Variants in PANK1 observed in about 807,000 individuals in gnomAD.
PANK1 encodes the protein pantothenic acid kinase 1.
Under a neutral mutation model 40.1 loss-of-function variants are expected in PANK1, and 18 were observed. The observed-to-expected ratio is 0.45, with a 90% confidence interval of 0.31 to 0.67. PANK1 has a LOEUF of 0.67. Ranked by LOEUF, PANK1 falls within the 30% of genes least tolerant of loss-of-function variation. The pLI, the probability that PANK1 is intolerant of heterozygous loss-of-function variation, is 0.06. For missense variants in PANK1, 457 were observed against 599.6 expected (o/e 0.76, Z 2.48); for synonymous variants, 242 against 237.7 (o/e 1.02, Z -0.17).
rs752620717 is a variant in PANK1 at position 89,644,862 on chromosome 10, G to A, written c.30C>T (p.Arg10=). The part of the protein sequence containing the change: MGDRSGQQE[R]SVPHSPGAPV... ...GGGCCCCTGGAGAGTGCGGGACCGA[G>A]CGCTCCTGCTGCCCGCTGCGGTCGC... Residue 10 remains arginine, a synonymous_variant, in exon 1 of 7, where the codon CGC becomes CGT. Transcript: ENST00000307534. 6.8e-7 allele frequency: 1 copy of A among 1,479,264 alleles called. No homozygotes were observed. The highest frequency in any genetic ancestry group is 1.3e-5 in the South Asian group (1 of 75,008). 91.6% of individuals were successfully genotyped at this position (1,479,264 alleles called of 1,614,324 possible).
At chr10:89,633,362 C>G (rs1253443415) in intron 1 of PANK1, among the ~76,000 whole-genome samples, 1 of 152,130 alleles carries the variant, frequency 6.6e-6, no homozygotes, top group East Asian at 1.9e-4. Flanking sequence ...TGAAATATTA[C>G]ATGATCACCC....
In PANK1 at chr10:89,599,389, G is replaced by T. The variant is rs1844707313; in HGVS notation, c.762C>A (p.Pro254=). 5 of 1,613,910 alleles carry T rather than the reference G, an allele frequency of 3.1e-6. No individual in the cohort carries two copies. The highest frequency in any genetic ancestry group is 1.7e-5 in the Admixed American group (1 of 59,988). The change falls in exon 3 of 7, where the codon CCC becomes CCA. Residue 254 remains proline (P), a synonymous_variant. Transcript: ENST00000307534. ...TTTTTTGACACAATTCAGGATTTGTGGGATTTTCAAAATAGTAACATTCTG... is the reference window on the plus strand; with the variant it reads ...TTTTTTGACACAATTCAGGATTTGTTGGATTTTCAAAATAGTAACATTCTG... ...GKPECYYFEN[P]TNPELCQKKP...
intron 1 of PANK1, among the ~76,000 whole-genome samples, chr10:89,618,744 A>T (rs1001579152): frequency 6.6e-5 from 10 of 152,240 alleles, no homozygotes; most frequent in Admixed American, 6.5e-4. Context: ...CTTGCCTAGA[A>T]TGAGAATACT....
intron 2 of PANK1, among the ~76,000 whole-genome samples, chr10:89,600,304 C>A (rs1031895561): frequency 6.6e-6 from 1 of 152,078 alleles, no homozygotes; most frequent in Non-Finnish European, 1.5e-5. Context: ...CATGAAGTCC[C>A]GAGGGACTGG....
At chr10:89,641,776 A>T (rs1704030408) in intron 1 of PANK1, among the ~76,000 whole-genome samples, 2 of 150,224 alleles carry the variant, frequency 1.3e-5, no homozygotes, top group South Asian at 4.2e-4. Context: ...AATAAATAAA[A>T]TAAAAAAAAA....
At chr10:89,627,352 A>G (rs1845687258) in intron 1 of PANK1, among the ~76,000 whole-genome samples, 1 of 152,224 alleles carries the variant, frequency 6.6e-6, no homozygotes, top group Non-Finnish European at 1.5e-5. Flanking sequence ...GTATTAAATC[A>G]TCTAGAGATG....
At position 89,643,689 on chromosome 10, in the gene PANK1, G is replaced by C. The variant is rs1425513636; in HGVS notation, c.292+911C>G. 5 of 1,603,030 alleles carry C rather than the reference G, an allele frequency of 3.1e-6. No homozygotes were observed. In the African/African-American group the frequency reaches 6.7e-5, roughly 21 times the overall value. ...ATGCAGTCATTTATTAGCATTTACT[G>C]TACTTACTTTGCTTTTTGCCATTTA... On this transcript the variant is annotated intron_variant, in intron 1 of 6. Coordinates refer to ENST00000307534, the MANE Select transcript of PANK1 (RefSeq NM_148977.3).
chr10:89,600,302 C>G (rs1000864026), intron 2 of PANK1, among the ~76,000 whole-genome samples: 1 of 152,128 alleles, frequency 6.6e-6, no homozygotes, highest in Non-Finnish European at 1.5e-5. Context: ...AGCATGAAGT[C>G]CCGAGGGACT....
In PANK1 at chr10:89,612,682, TA is replaced by T. The variant is rs1845197597; in HGVS notation, c.293-635del. 3.9e-5 allele frequency among the ~76,000 whole-genome samples: 6 copies of T among 152,352 alleles called. No homozygotes were observed. In the South Asian group the frequency reaches 1.2e-3, roughly 32 times the overall value. Reference sequence around the variant, plus strand: ...GAGATGATGAGCAGACATGAAATTCTAAAAAGAACAACTCGCATTATATCTA... The same window carrying T: ...GAGATGATGAGCAGACATGAAATTCTAAAAGAACAACTCGCATTATATCTA... On this transcript the variant is annotated intron_variant, in intron 1 of 6. Coordinates refer to ENST00000307534, the MANE Select transcript of PANK1 (RefSeq NM_148977.3).
At chr10:89,634,486 C>G (rs1297347268) in intron 1 of PANK1, among the ~76,000 whole-genome samples, 1 of 152,162 alleles carries the variant, frequency 6.6e-6, no homozygotes, top group Non-Finnish European at 1.5e-5. Context: ...ATATTCATCT[C>G]ATTCATCATC....
At chr10:89,598,907 C>T (rs952323570) in intron 3 of PANK1, among the ~76,000 whole-genome samples, 5 of 152,222 alleles carry the variant, frequency 3.3e-5, no homozygotes, top group Non-Finnish European at 7.3e-5. Flanking sequence ...AAGGTTCCTT[C>T]TGAAGTCATC....
At chr10:89,636,632 T>G (rs1024572338) in intron 1 of PANK1, among the ~76,000 whole-genome samples, 9 of 151,494 alleles carry the variant, frequency 5.9e-5, no homozygotes, top group Non-Finnish European at 1.3e-4. Context: ...TTTGTATTTT[T>G]AGTAGAGACG....
At chr10:89,636,114 T>G (rs1370214368) in intron 1 of PANK1, among the ~76,000 whole-genome samples, 1 of 152,162 alleles carries the variant, frequency 6.6e-6, no homozygotes, top group African/African-American at 2.4e-5. Context: ...TTCTGGGGTG[T>G]TGGTGTGAGC....
intron 1 of PANK1, among the ~76,000 whole-genome samples, chr10:89,630,542 G>A (rs965681938): frequency 6.6e-6 from 1 of 151,348 alleles, no homozygotes; most frequent in Non-Finnish European, 1.5e-5. Flanking sequence ...ACCCAGGCTG[G>A]AGTGCAGCGG....
intron 1 of PANK1, among the ~76,000 whole-genome samples, chr10:89,617,792 T>C (rs1004451292): frequency 6.6e-6 from 1 of 152,172 alleles, no homozygotes; most frequent in African/African-American, 2.4e-5. Context: ...CTAGAAGGAA[T>C]TGAGGGCTTA....
intron 2 of PANK1, among the ~76,000 whole-genome samples, chr10:89,599,732 A>G (rs781335358): frequency 5.3e-5 from 8 of 152,140 alleles, no homozygotes; most frequent in Non-Finnish European, 1.0e-4. Flanking sequence ...AGCTTGCCTG[A>G]TTGTTTGAAA....
At chr10:89,605,024 T>C (rs1844911618) in intron 2 of PANK1, among the ~76,000 whole-genome samples, 1 of 150,864 alleles carries the variant, frequency 6.6e-6, no homozygotes, top group South Asian at 2.1e-4. Flanking sequence ...GTGCTGGGAT[T>C]ACAGGTGTGA....
chr10:89,608,085 G>A (rs1845029087), intron 2 of PANK1, among the ~76,000 whole-genome samples: 1 of 148,818 alleles, frequency 6.7e-6, no homozygotes, highest in African/African-American at 2.5e-5. Flanking sequence ...CGGCTGGAGT[G>A]CAGTGTTGCC....
chr10:89,642,193 T>C (rs1422148406), intron 1 of PANK1, among the ~76,000 whole-genome samples: 1 of 152,238 alleles, frequency 6.6e-6, no homozygotes, highest in African/African-American at 2.4e-5. Context: ...GTCTCGGCAC[T>C]GAGAGGTCAG....
Sources: gnomAD v4.1 joint callset for allele counts (sites outside exome capture counted in the v4.1 genomes callset) on GRCh38, gnomAD v4.1.1 for gene constraint, MANE v1.5 for transcripts, NCBI Gene and HGNC (gene_info 2026-07-23, HGNC 2026-07-21) for gene names.